PTBP3: variants seen among roughly 807,000 people sequenced by gnomAD.
PTBP3 encodes polypyrimidine tract-binding protein 3.
In PTBP3, 20 loss-of-function variants were observed where a neutral mutation model predicts 58.7. That is an observed-to-expected ratio of 0.34 (90% CI 0.24 to 0.50). The LOEUF (loss-of-function observed/expected upper bound fraction) is 0.50. Ranked by LOEUF, PTBP3 falls within the 20% of genes least tolerant of loss-of-function variation. The pLI is 0.98. For missense variants in PTBP3, 509 were observed against 637.2 expected (o/e 0.80, Z 2.17); for synonymous variants, 185 against 219.8 (o/e 0.84, Z 1.40).
At chr9:112,372,308 G>A in the PTBP3 span, among the ~76,000 whole-genome samples, 2 of 152,006 alleles carry the variant, frequency 1.3e-5, no homozygotes, top group South Asian at 4.1e-4. Flanking sequence ...TGAACTCCTG[G>A]CTTCAAGCAA....
intron 1 of PTBP3, among the ~76,000 whole-genome samples, chr9:112,330,147 C>A (rs968140879): frequency 2.0e-5 from 3 of 152,092 alleles, no homozygotes; most frequent in Admixed American, 2.0e-4. Flanking sequence ...AGCCACCGCA[C>A]CCGGCCTAAG....
chr9:112,303,613 C>T (rs552709425), intron 1 of PTBP3, among the ~76,000 whole-genome samples: 291 of 152,266 alleles, frequency 1.9e-3, no homozygotes, highest in African/African-American at 6.6e-3. Flanking sequence ...CGCCTGTAAT[C>T]CCAGCACTTT....
chr9:112,280,786 CATAT>C (rs3032063), intron 2 of PTBP3, among the ~76,000 whole-genome samples: 21 of 150,042 alleles, frequency 1.4e-4, no homozygotes, highest in South Asian at 2.1e-4. Context: ...TGTGTGTGTG[CATAT>C]ATATATATAT....
At chr9:112,258,884 C>CT (rs1836479099) in intron 5 of PTBP3, among the ~76,000 whole-genome samples, 1 of 152,038 alleles carries the variant, frequency 6.6e-6, no homozygotes, top group African/African-American at 2.4e-5. Context: ...TGCCTATGCC[C>CT]TCACCCAGGC....
upstream of PTBP3, among the ~76,000 whole-genome samples, chr9:112,338,327 T>C (rs533976990): frequency 3.3e-5 from 5 of 150,234 alleles, no homozygotes; most frequent in South Asian, 1.1e-3. Flanking sequence ...CATGAAAAAG[T>C]GACAAAATCT....
At position 112,314,892 on chromosome 9, in the gene PTBP3, C is replaced by T. The variant is rs559157102; in HGVS notation, c.-51-16976G>A. Among the ~76,000 whole-genome samples, 311 of 149,312 alleles carry T rather than the reference C, an allele frequency of 2.1e-3. 2 individuals carry two copies. Among genetic ancestry groups the T allele is most frequent in the African/African-American group, 7.1e-3 (287 of 40,410 alleles). On this transcript the variant is annotated intron_variant, in intron 1 of 13. Transcript: ENST00000374257. ...TGTCACCCAGGCTGGAGTGCAGTGG[C>T]GCGATCTCGGCTCACTGCAAGCTCC...
Position 112,223,739 on chromosome 9 carries a change from C to A in PTBP3, c.*112G>T. ...TTTTAAAATATACTTGAATATCAAA[C>A]TCAGAGTTATTTTTGTGAAAGAGGC... On this transcript the variant is annotated 3_prime_UTR_variant, in exon 14 of 14. Transcript: ENST00000374257. The A allele has an allele frequency of 2.3e-6, 3 of 1,281,518 alleles. No individual in the cohort carries two copies. The highest frequency in any genetic ancestry group is 3.5e-5 in the African/African-American group (1 of 28,250). The allele number at this position is 1,281,518 out of a possible 1,614,324, so 79.4% of individuals were successfully genotyped here. A position where few individuals can be genotyped will look rare whatever the true frequency, so the allele number is the denominator to read the frequency against.
At chr9:112,250,631 AGTTAAT>A (rs1219911366) in intron 7 of PTBP3, among the ~76,000 whole-genome samples, 2 of 152,334 alleles carry the variant, frequency 1.3e-5, no homozygotes, top group South Asian at 2.1e-4. Flanking sequence ...AGCATATTTA[AGTTAAT>A]GTTAATAAGA....
intron 1 of PTBP3, among the ~76,000 whole-genome samples, chr9:112,316,419 T>C (rs545974431): frequency 1.3e-5 from 2 of 152,264 alleles, no homozygotes; most frequent in South Asian, 4.1e-4. Context: ...TGGCTTCCAG[T>C]AAGGCCTTTA....
At chr9:112,264,055 ATGTT>A (rs1335008743) in intron 4 of PTBP3, among the ~76,000 whole-genome samples, 1 of 152,208 alleles carries the variant, frequency 6.6e-6, no homozygotes. Context: ...TAATTTTTAA[ATGTT>A]TGGGTAACAA....
At chr9:112,300,729 G>A (rs1240027704) in intron 1 of PTBP3, among the ~76,000 whole-genome samples, 1 of 151,768 alleles carries the variant, frequency 6.6e-6, no homozygotes, top group East Asian at 1.9e-4. Flanking sequence ...TCCAGCCTGG[G>A]CGACAAAGCG....
intron 12 of PTBP3, among the ~76,000 whole-genome samples, chr9:112,226,121 T>C (rs966974744): frequency 6.6e-6 from 1 of 151,970 alleles, no homozygotes; most frequent in African/African-American, 2.4e-5. Flanking sequence ...TTGTTGTCCA[T>C]TTACCCTACA....
chr9:112,282,646 T>G (rs965820721), intron 2 of PTBP3, among the ~76,000 whole-genome samples: 19 of 152,158 alleles, frequency 1.2e-4, no homozygotes, highest in Non-Finnish European at 2.5e-4. Context: ...TATTTTTATT[T>G]TTTTTTTTAC....
rs1326952287 is a variant in PTBP3, at chr9:112,244,308, G to A, written c.802+6621C>T. Reference sequence around the variant, plus strand: ...CTGTCTCAAAAAAAAAAAAAAAAAAGTTCTCAGGAATAAGTGCAACAAAAA... The same window carrying A: ...CTGTCTCAAAAAAAAAAAAAAAAAAATTCTCAGGAATAAGTGCAACAAAAA... On this transcript the variant is annotated intron_variant, in intron 7 of 13. Transcript: ENST00000374257. Among the ~76,000 whole-genome samples, 231 of 39,684 alleles carry A rather than the reference G, an allele frequency of 5.8e-3. 1 individual carries two copies. Among genetic ancestry groups the A allele is most frequent in the African/African-American group, 7.9e-3 (72 of 9,066 alleles). 26.0% of individuals were successfully genotyped at this position (39,684 alleles called of 152,430 possible).
intron 1 of PTBP3, among the ~76,000 whole-genome samples, chr9:112,300,549 A>G (rs572273426): frequency 9.8e-4 from 149 of 151,842 alleles, no homozygotes; most frequent in South Asian, 3.1e-3. Flanking sequence ...TCAGGAGATC[A>G]AGACCATCCT....
the PTBP3 span, among the ~76,000 whole-genome samples, chr9:112,367,675 T>A: frequency 8.5e-5 from 13 of 152,294 alleles, no homozygotes; most frequent in South Asian, 2.7e-3. Context: ...CTTATGATGG[T>A]TCCCTTGTAT....
intron 1 of PTBP3, among the ~76,000 whole-genome samples, chr9:112,307,196 T>C (rs1202376541): frequency 6.6e-6 from 1 of 152,164 alleles, no homozygotes; most frequent in Non-Finnish European, 1.5e-5. Context: ...CTCACGCCTG[T>C]AATCCCAGCA....
At chr9:112,251,242 T>C (rs1836103044) in intron 6 of PTBP3, 139 bp from the exon 7 acceptor site, 2 of 528,708 alleles carry the variant, frequency 3.8e-6, no homozygotes, top group Non-Finnish European at 6.1e-6. Flanking sequence ...GGTTTACTTT[T>C]ACCTCACAGT....
At chr9:112,370,642 G>A in the PTBP3 span, among the ~76,000 whole-genome samples, 2 of 152,118 alleles carry the variant, frequency 1.3e-5, no homozygotes, top group African/African-American at 4.8e-5. Flanking sequence ...ATTAATTTGA[G>A]GATTGGCTTT....
Sources: allele counts gnomAD v4.1 joint callset (sites outside exome capture counted in the v4.1 genomes callset), GRCh38; gene constraint gnomAD v4.1.1; transcripts MANE v1.5; gene names NCBI Gene and HGNC (gene_info 2026-07-23, HGNC 2026-07-21).